SLC12A4: variants seen among roughly 807,000 people sequenced by gnomAD.
SLC12A4 encodes solute carrier family 12 member 4, also known as electroneutral potassium-chloride cotransporter 1.
Under a neutral mutation model 119.2 loss-of-function variants are expected in SLC12A4, and 84 were observed. The ratio of observed to expected loss-of-function variants is 0.70; its 90% CI spans 0.59 to 0.85. The LOEUF is 0.85. Among genes scored for constraint, SLC12A4 ranks in the 40% least tolerant of loss-of-function variants. The pLI is 0.00. For missense variants in SLC12A4, 1,298 were observed against 1,476.3 expected, an observed-to-expected ratio of 0.88 and a Z score of 1.98; for synonymous variants, 599 against 604.6, an observed-to-expected ratio of 0.99 and a Z score of 0.14.
At position 67,946,625 on chromosome 16, in the gene SLC12A4, C is replaced by T. The variant is rs749123137; in HGVS notation, c.2250G>A (p.Lys750=). The part of the protein sequence containing the change: ...GEAQAAEQTI[K]NMMEIEKVKG... Reference sequence around the variant, plus strand: ...TCACCTTCTCAATTTCCATCATGTTCTTGATGGTCTGTGGGGAACACACCC... The same window carrying T: ...TCACCTTCTCAATTTCCATCATGTTTTTGATGGTCTGTGGGGAACACACCC... The change falls in exon 18 of 24, where the codon AAG becomes AAA. Residue 750 remains lysine (K), a synonymous_variant. Coordinates refer to ENST00000316341, the MANE Select transcript of SLC12A4 (RefSeq NM_005072.5). The T allele has an allele frequency of 6.2e-7, 1 of 1,612,034 alleles. No individual in the cohort carries two copies.
Position 67,950,560 on chromosome 16 carries a change from C to A in SLC12A4, c.1455-67G>T, listed in dbSNP as rs2058402920. 2 of 1,609,158 alleles carry A rather than the reference C, an allele frequency of 1.2e-6. No individual in the cohort carries two copies. The highest frequency in any genetic ancestry group is 1.7e-6 in the Non-Finnish European group (2 of 1,176,862). ...GGATGGCACAGACCACCAAAGGCAG[C>A]CAGCAGGCTTAGGACCACCCACGGG... On this transcript the variant is annotated intron_variant, in intron 11 of 23. Coordinates refer to ENST00000316341, the MANE Select transcript of SLC12A4 (RefSeq NM_005072.5). The surrounding 1 kb of genome is among the most constrained non-coding windows in gnomAD (Gnocchi z 4.3).
intron 16 of SLC12A4, 92 bp downstream of exon 16, chr16:67,947,239 C>T: frequency 6.7e-7 from 1 of 1,501,730 alleles, no homozygotes; most frequent in Non-Finnish European, 9.0e-7. Flanking sequence ...CGGGCAGCCC[C>T]AGGATGGGGA....
rs2058316032 is a variant in SLC12A4, at chr16:67,944,284, T to C, written c.*556A>G. ...TCTGGGCCTGGGTTCAGTTCCGCCTTCTTCTCTTGGCGCCAGGGGAAACAG... is the reference window on the plus strand; with the variant it reads ...TCTGGGCCTGGGTTCAGTTCCGCCTCCTTCTCTTGGCGCCAGGGGAAACAG... On this transcript the variant is annotated 3_prime_UTR_variant, in exon 24 of 24. Transcript: ENST00000316341. This position sits in a 1 kb window ranked among gnomAD's most constrained non-coding sequence, Gnocchi z 6.6. The C allele has an allele frequency of 1.4e-6, 2 of 1,412,574 alleles. No homozygotes were observed. The highest frequency in any genetic ancestry group is 2.9e-5 in the Admixed American group (1 of 34,524). 87.5% of individuals were successfully genotyped at this position (1,412,574 alleles called of 1,614,324 possible). A position where few individuals can be genotyped will look rare whatever the true frequency, so the allele number is the denominator to read the frequency against.
At chr16:67,956,630 G>A (rs143674487) in intron 5 of SLC12A4, among the ~76,000 whole-genome samples, 1 of 152,080 alleles carries the variant, frequency 6.6e-6, no homozygotes, top group East Asian at 1.9e-4. Context: ...GTTGCAGTGA[G>A]CTGAGATCAT....
chr16:67,968,539 G>C lies in SLC12A4; in HGVS notation c.15C>G (p.Thr5=). 1 of 1,575,864 alleles carries C rather than the reference G, an allele frequency of 6.3e-7. No homozygotes were observed. Among genetic ancestry groups the C allele is most frequent in the Non-Finnish European group, 8.6e-7 (1 of 1,166,988 alleles). The change falls in exon 1 of 24, where the codon ACC becomes ACG. Residue 5 remains threonine (T), a synonymous_variant. Transcript: ENST00000316341. The stretch of plus-strand genomic sequence containing the variant: ...GCCTCGGCCCGTCCACTGGCACCAC[G>C]GTGAAGTGAGGCATCGTGCGGGCTC... MPHF[T]VVPVDGPRRG...
rs150540226 is a variant in SLC12A4, at chr16:67,949,562, G to A, written c.1748+238C>T. On this transcript the variant is annotated intron_variant, in intron 13 of 23. Coordinates refer to ENST00000316341, the MANE Select transcript of SLC12A4 (RefSeq NM_005072.5). This position sits in a 1 kb window ranked among gnomAD's most constrained non-coding sequence, Gnocchi z 4.6. ...GCCCTGTCCAGTGGGAAGGTCTGCC[G>A]GCCACCTGCTCTGGGGGCCTCAGGG... is the stretch of plus-strand genomic sequence containing the variant. 3.8e-4 allele frequency: 162 copies of A among 421,914 alleles called. 1 individual carries two copies. Among genetic ancestry groups the A allele is most frequent in the African/African-American group, 2.2e-3 (104 of 47,470 alleles). The allele number at this position is 421,914 out of a possible 1,614,324, so 26.1% of individuals were successfully genotyped here. A position where few individuals can be genotyped will look rare whatever the true frequency, so the allele number is the denominator to read the frequency against.
At position 67,950,306 on chromosome 16, in the gene SLC12A4, C is replaced by A. The variant is rs770223303; in HGVS notation, c.1629+13G>T. 1 of 1,612,492 alleles carries A rather than the reference C, an allele frequency of 6.2e-7. No individual in the cohort carries two copies. Among genetic ancestry groups the A allele is most frequent in the Non-Finnish European group, 8.5e-7 (1 of 1,179,426 alleles). ...GGAGCAGCCAGGCCATGGGGGAGTG[C>A]AGAGGGGCTCACCCGGAGGAAGGGG... On this transcript the variant is annotated intron_variant, in intron 12 of 23. Transcript: ENST00000316341. The surrounding 1 kb of genome is among the most constrained non-coding windows in gnomAD (Gnocchi z 4.3).
chr16:67,953,944 A>T (rs540611889), intron 6 of SLC12A4, among the ~76,000 whole-genome samples: 77 of 152,312 alleles, frequency 5.1e-4, no homozygotes, highest in African/African-American at 1.8e-3. Flanking sequence ...AAATGAAAAC[A>T]AGCCAAAGCC....
At chr16:67,958,145 C>T (rs1598225596) in intron 3 of SLC12A4, 101 bp from the exon 4 acceptor site, 3 of 1,250,674 alleles carry the variant, frequency 2.4e-6, no homozygotes, top group Admixed American at 2.2e-5. Flanking sequence ...CAGTGGGGCC[C>T]CAGGGAACAC....
intron 5 of SLC12A4, among the ~76,000 whole-genome samples, chr16:67,957,012 T>G (rs748969730): frequency 2.0e-5 from 3 of 151,944 alleles, no homozygotes; most frequent in Non-Finnish European, 4.4e-5. Flanking sequence ...TTTATTTATT[T>G]ATTTTGGAGA....
chr16:67,947,009 G>A lies in SLC12A4; in HGVS notation c.2169C>T (p.Gly723=). 6.2e-7 allele frequency: 1 copy of A among 1,613,180 alleles called. No homozygotes were observed. The highest frequency in any genetic ancestry group is 8.5e-7 in the Non-Finnish European group (1 of 1,180,024). The change falls in exon 17 of 24, where the codon GGC becomes GGT. Residue 723 remains glycine (G), a synonymous_variant. Coordinates refer to ENST00000316341, the MANE Select transcript of SLC12A4 (RefSeq NM_005072.5). ...TFASQLKAGK[G]LTIVGSVIQG... ...GGATGACAGAACCAACAATGGTCAG[G>A]CCCTTGCCAGCCTTGAGCTGGGAGG...
At chr16:67,964,868 T>C (rs1199263038) in intron 1 of SLC12A4, among the ~76,000 whole-genome samples, 1 of 152,266 alleles carries the variant, frequency 6.6e-6, no homozygotes, top group Non-Finnish European at 1.5e-5. Context: ...TTGCTTTCTC[T>C]GAGCCAACAA....
In SLC12A4 at chr16:67,961,631, C is replaced by T. The variant is rs140956696; in HGVS notation, c.286G>A (p.Ala96Thr). 64 of 1,614,014 alleles carry T rather than the reference C, an allele frequency of 4.0e-5. No individual in the cohort carries two copies. Among genetic ancestry groups the T allele is most frequent in the African/African-American group, 1.9e-4 (14 of 74,956 alleles). Residue 96 changes from alanine (A) to threonine (T), a missense_variant, in exon 3 of 24, where the codon GCC (alanine) becomes ACC (threonine). Physicochemically the swap from Ala to Thr is moderately conservative, Grantham distance 58. Transcript: ENST00000316341. Reference protein sequence around the residue: ...LVSYTNLTQGAKEHEEAESGE... With the variant: ...LVSYTNLTQGTKEHEEAESGE... ...CTCTCGGCCTCCTCATGCTCTTTGG[C>T]GCCCTGGGTGAGGTTGGTGTAGCTG...
Position 67,963,450 on chromosome 16 carries a change from T to G in SLC12A4, c.210+15A>C. ...TGTGTGCCAAACCTGTGGCCCAAAA[T>G]GGCTCCTCAGCTACCTCAAACAGTG... is the stretch of plus-strand genomic sequence containing the variant. On this transcript the variant is annotated intron_variant, in intron 2 of 23. Transcript: ENST00000316341. 6.4e-7 allele frequency: 1 copy of G among 1,555,926 alleles called. No individual in the cohort carries two copies. Among genetic ancestry groups the G allele is most frequent in the Middle Eastern group, 1.7e-4 (1 of 5,850 alleles).
Position 67,951,448 on chromosome 16 carries a change from G to C in SLC12A4, c.1133-144C>G, listed in dbSNP as rs545683100. 12 of 898,514 alleles carry C rather than the reference G, an allele frequency of 1.3e-5. No homozygotes were observed. In the East Asian group the frequency reaches 2.6e-4, roughly 20 times the overall value. 55.7% of individuals were successfully genotyped at this position (898,514 alleles called of 1,614,324 possible). ...CCAATGACTGCAGCGTCAGCCACAGGGCTACCCTGACCACAGAGAAGGAGC... is the reference window on the plus strand; with the variant it reads ...CCAATGACTGCAGCGTCAGCCACAGCGCTACCCTGACCACAGAGAAGGAGC... On this transcript the variant is annotated intron_variant, in intron 8 of 23. Transcript: ENST00000316341. The surrounding 1 kb of genome is among the most constrained non-coding windows in gnomAD (Gnocchi z 5.2).
chr16:67,945,557 A>AGG lies in SLC12A4; in HGVS notation c.2848-6_2848-5dup. 6.2e-7 allele frequency: 1 copy of AGG among 1,612,714 alleles called. No homozygotes were observed. Among genetic ancestry groups the AGG allele is most frequent in the Non-Finnish European group, 8.5e-7 (1 of 1,179,324 alleles). On this transcript the variant is annotated splice_polypyrimidine_tract_variant and splice_region_variant and intron_variant, in intron 21 of 23. Transcript: ENST00000316341. ...GCCGATCCTTGACCAGCTGGGCCTG[A>AGG]GGACAATTGCAGGAGATAGCCTTGG...
intron 1 of SLC12A4, among the ~76,000 whole-genome samples, chr16:67,966,359 C>T (rs1431323159): frequency 1.3e-5 from 2 of 152,240 alleles, no homozygotes; most frequent in East Asian, 3.8e-4. Context: ...TCCAAAAATT[C>T]CAGGGCAGGT....
chr16:67,951,878 G>A lies in SLC12A4; in HGVS notation c.1077C>T (p.Leu359=). Residue 359 remains leucine (L), a synonymous_variant, in exon 8 of 24, where the codon CTC becomes CTT. Coordinates refer to ENST00000316341, the MANE Select transcript of SLC12A4 (RefSeq NM_005072.5). This position sits in a 1 kb window ranked among gnomAD's most constrained non-coding sequence, Gnocchi z 5.2. ...TTDSCDPYFM[L]NNVTEIPGIP... ...TGCCAGGGATCTCGGTCACATTGTT[G>A]AGCATGAAGTAGGGGTCACAGGAGT... 6.2e-7 allele frequency: 1 copy of A among 1,613,884 alleles called. No individual in the cohort carries two copies. The highest frequency in any genetic ancestry group is 8.5e-7 in the Non-Finnish European group (1 of 1,180,016).
At chr16:67,954,169 G>T in intron 6 of SLC12A4, 1 of 403,546 alleles carries the variant, frequency 2.5e-6, no homozygotes, top group Non-Finnish European at 5.0e-6. Flanking sequence ...AGCTCCCATG[G>T]GGCTCGTGGA....
Sources: gnomAD v4.1 joint callset for allele counts (sites outside exome capture counted in the v4.1 genomes callset) on GRCh38, gnomAD v4.1.1 for gene constraint, Gnocchi (gnomAD v3.1) non-coding constraint, MANE v1.5 for transcripts, NCBI Gene and HGNC (gene_info 2026-07-23, HGNC 2026-07-21) for gene names.